Variants in AASDH observed in about 807,000 individuals in gnomAD.
The protein encoded by AASDH is beta-alanine-activating enzyme.
Under a neutral mutation model 102.3 loss-of-function variants are expected in AASDH, and 81 were observed. That is an observed-to-expected ratio of 0.79 (90% CI 0.66 to 0.95). AASDH has a LOEUF of 0.95. AASDH is among the 40% of genes least tolerant of loss of function. The pLI, the probability that AASDH is intolerant of heterozygous loss-of-function variation, is 0.00. For synonymous variants in AASDH, 398 were observed against 454.0 expected, an observed-to-expected ratio of 0.88 and a Z score of 1.57; for missense variants, 1,203 against 1,266.2, an observed-to-expected ratio of 0.95 and a Z score of 0.76.
chr4:56,363,500 G>A (rs973230952), intron 5 of AASDH, among the ~76,000 whole-genome samples: 1 of 152,198 alleles, frequency 6.6e-6, no homozygotes, highest in African/African-American at 2.4e-5. Context: ...ACTTCACACG[G>A]CTGGGTACTC....
chr4:56,355,833 T>C (rs1411227622), intron 5 of AASDH, among the ~76,000 whole-genome samples: 3 of 152,006 alleles, frequency 2.0e-5, no homozygotes, highest in African/African-American at 7.3e-5. Flanking sequence ...CCTAGGCTGG[T>C]CTTGGACTCC....
In AASDH at chr4:56,338,635, C is replaced by T; in HGVS notation, c.3064G>A (p.Ala1022Thr). 2 of 1,614,194 alleles carry T rather than the reference C, an allele frequency of 1.2e-6. No homozygotes were observed. Among genetic ancestry groups the T allele is most frequent in the South Asian group, 1.1e-5 (1 of 91,092 alleles). ...TAGTTATGGAAAGCAAACGGTGTTG[C>T]ATAGACCCTTGAAGTAGTTTCAAAT... ...WKFETTSRVY[A>T]TPFAFHNYNG... The change falls in exon 15 of 15, where the codon GCA becomes ACA. Residue 1022 changes from alanine to threonine, a missense_variant. By Grantham distance (58) the Ala-to-Thr change is moderately conservative. Coordinates refer to ENST00000205214, the MANE Select transcript of AASDH (RefSeq NM_181806.4).
chr4:56,338,376 G>A lies in AASDH; in HGVS notation c.*26C>T. ...AAATATTTTCAAATATCTCACATTT[G>A]TTATACAAATAAGGACTGTATTTGA... On this transcript the variant is annotated 3_prime_UTR_variant, in exon 15 of 15. Coordinates refer to ENST00000205214, the MANE Select transcript of AASDH (RefSeq NM_181806.4). 6.3e-6 allele frequency: 10 copies of A among 1,590,928 alleles called. No individual in the cohort carries two copies. The highest frequency in any genetic ancestry group is 8.6e-6 in the Non-Finnish European group (10 of 1,168,522).
chr4:56,340,375 T>C (rs1369193051), intron 14 of AASDH, among the ~76,000 whole-genome samples: 2 of 152,102 alleles, frequency 1.3e-5, no homozygotes, highest in Non-Finnish European at 2.9e-5. Context: ...TCCACGTAGT[T>C]ACAGCCAATG....
At chr4:56,353,299 G>A (rs1577984137) in intron 9 of AASDH, 105 bp downstream of exon 9, 6 of 954,754 alleles carry the variant, frequency 6.3e-6, no homozygotes, top group African/African-American at 5.0e-5. Context: ...CACAATAAAT[G>A]CTAGTACCAT....
rs1484940813 is a variant in AASDH, at chr4:56,355,596, T to G, written c.862-173A>C. 5.7e-3 allele frequency among the ~76,000 whole-genome samples: 335 copies of G among 59,214 alleles called. 2 individuals are homozygous for G. The highest frequency in any genetic ancestry group is 0.018 in the African/African-American group (312 of 17,804). 38.8% of individuals were successfully genotyped at this position (59,214 alleles called of 152,430 possible). On this transcript the variant is annotated intron_variant, in intron 5 of 14. Coordinates refer to ENST00000205214, the MANE Select transcript of AASDH (RefSeq NM_181806.4). Reference sequence around the variant, plus strand: ...ACTGGTGCAACATTATCTTCTTGTTTTTTTTTTTTTTTTTTTTTTGGTTTT... The same window carrying G: ...ACTGGTGCAACATTATCTTCTTGTTGTTTTTTTTTTTTTTTTTTTGGTTTT...
intron 3 of AASDH, among the ~76,000 whole-genome samples, chr4:56,380,114 T>C (rs1204990669): frequency 6.6e-6 from 1 of 152,220 alleles, no homozygotes; most frequent in African/African-American, 2.4e-5. Flanking sequence ...TGAACTACTA[T>C]TCTGTTACAA....
At chr4:56,360,831 A>G (rs564898278) in intron 5 of AASDH, among the ~76,000 whole-genome samples, 1 of 152,232 alleles carries the variant, frequency 6.6e-6, no homozygotes, top group African/African-American at 2.4e-5. Context: ...TTTACATAGT[A>G]GAATGACTCT....
intron 14 of AASDH, among the ~76,000 whole-genome samples, chr4:56,342,393 A>G (rs548225343): frequency 1.3e-5 from 2 of 152,314 alleles, no homozygotes; most frequent in East Asian, 3.9e-4. Flanking sequence ...TTGTAACAAA[A>G]TATCACATAC....
At chr4:56,354,637 G>T in intron 7 of AASDH, 68 bp downstream of exon 7, 2 of 1,143,768 alleles carry the variant, frequency 1.7e-6, no homozygotes, top group Non-Finnish European at 2.5e-6. Context: ...AAGACGAAAG[G>T]AATAAAATTA....
rs765702470 is a variant in AASDH at position 56,353,411 on chromosome 4, T to C, written c.1569A>G (p.Thr523=). Residue 523 remains threonine, a synonymous_variant, in exon 9 of 15, where the codon ACA becomes ACG. Coordinates refer to ENST00000205214, the MANE Select transcript of AASDH (RefSeq NM_181806.4). ...TGCTTTAAATTACTTTACCGTGGGATGTAAATGGTAGAGAGTCGATCAATA... is the reference window on the plus strand; with the variant it reads ...TGCTTTAAATTACTTTACCGTGGGACGTAAATGGTAGAGAGTCGATCAATA... ...ELVLIDSLPF[T]SHGKIDVSEL... The C allele has an allele frequency of 2.8e-5, 45 of 1,598,334 alleles. No homozygotes were observed. Among genetic ancestry groups the C allele is most frequent in the Non-Finnish European group, 3.8e-5 (44 of 1,172,974 alleles).
intron 5 of AASDH, among the ~76,000 whole-genome samples, chr4:56,361,808 A>C (rs1175132142): frequency 1.3e-5 from 2 of 152,054 alleles, no homozygotes; most frequent in African/African-American, 4.8e-5. Flanking sequence ...CTGTCTCTAC[A>C]AAAGATTTTA....
At chr4:56,344,651 A>G (rs1357933984) in intron 12 of AASDH, among the ~76,000 whole-genome samples, 2 of 152,118 alleles carry the variant, frequency 1.3e-5, no homozygotes, top group Non-Finnish European at 2.9e-5. Flanking sequence ...CATCTTATTG[A>G]TATCTTCGTC....
In AASDH at chr4:56,354,749, G is replaced by A. The variant is rs550241595; in HGVS notation, c.1166C>T (p.Thr389Ile). The A allele has an allele frequency of 3.1e-6, 5 of 1,611,468 alleles. No individual in the cohort carries two copies. Among genetic ancestry groups the A allele is most frequent in the South Asian group, 1.1e-5 (1 of 90,462 alleles). ...LLGTVVEVRD[T>I]NGFTIQEGSG... ...GCCTTCCTGAATTGTGAAGCCATTA[G>A]TATCTCTGACTTCAACTACTGTTCC... Residue 389 changes from threonine (T) to isoleucine (I), a missense_variant, in exon 7 of 15, where the codon ACT becomes ATT. Transcript: ENST00000205214.
intron 5 of AASDH, among the ~76,000 whole-genome samples, chr4:56,365,517 G>A (rs1267944355): frequency 2.0e-5 from 3 of 151,810 alleles, no homozygotes; most frequent in Admixed American, 6.6e-5. Context: ...ATAACAAACT[G>A]TCTCTCAGAC....
chr4:56,372,432 C>T lies in AASDH; in HGVS notation c.669-789G>A, dbSNP rs545381103. Among the ~76,000 whole-genome samples the T allele has an allele frequency of 2.0e-5, 3 of 152,118 alleles. No individual in the cohort carries two copies. The South Asian group carries it at 6.2e-4, about 32-fold the overall frequency. On this transcript the variant is annotated intron_variant, in intron 4 of 14. Coordinates refer to ENST00000205214, the MANE Select transcript of AASDH (RefSeq NM_181806.4). The stretch of plus-strand genomic sequence containing the variant: ...TTCAATGATGTTTAATAGAGACTTC[C>T]GACTCCCCTTTCTATTTAGCATTTT...
chr4:56,364,718 T>G (rs181884754), intron 5 of AASDH, among the ~76,000 whole-genome samples: 2,438 of 152,084 alleles, frequency 0.016, 75 homozygotes, highest in African/African-American at 0.055. Context: ...CTTGAAGGAA[T>G]CACTAAACAT....
At chr4:56,383,005 C>T (rs1753157095) in intron 2 of AASDH, among the ~76,000 whole-genome samples, 1 of 152,118 alleles carries the variant, frequency 6.6e-6, no homozygotes, top group Non-Finnish European at 1.5e-5. Context: ...TGCGGTGAGC[C>T]GAGATCACGC....
At position 56,349,366 on chromosome 4, in the gene AASDH, C is replaced by T. The variant is rs191266184; in HGVS notation, c.2385G>A (p.Lys795=). ...VYIGSHSHRM[K]AVDFYSGKVK... The stretch of plus-strand genomic sequence containing the variant: ...CCTTCCCAGAGTAAAAGTCAACTGC[C>T]TTCATTCTATGAGAATGGGAACCAA... Residue 795 remains lysine, a synonymous_variant, in exon 11 of 15, where the codon AAG becomes AAA. Coordinates refer to ENST00000205214, the MANE Select transcript of AASDH (RefSeq NM_181806.4). The T allele has an allele frequency of 7.5e-5, 121 of 1,614,164 alleles. 1 individual carries two copies. The East Asian group carries it at 2.7e-3, about 36-fold the overall frequency.
Sources: gnomAD v4.1 joint callset for allele counts (sites outside exome capture counted in the v4.1 genomes callset) on GRCh38, gnomAD v4.1.1 for gene constraint, MANE v1.5 for transcripts, NCBI Gene and HGNC (gene_info 2026-07-23, HGNC 2026-07-21) for gene names.